The following VDAC2 variants were observed in gnomAD, a reference collection of about 807,000 sequenced individuals.
VDAC2 encodes the protein voltage dependent anion channel 2.
VDAC2 carries 6 observed loss-of-function variants against 36.6 expected under a neutral mutation model. That is an observed-to-expected ratio of 0.16 (90% CI 0.09 to 0.32). The LOEUF (loss-of-function observed/expected upper bound fraction) is 0.32. VDAC2 is among the 10% of genes least tolerant of loss of function. The probability of loss-of-function intolerance (pLI) is 1.00; values close to 1 mark genes in which losing one functional copy is unlikely to be tolerated. For synonymous variants in VDAC2, 109 were observed against 123.8 expected, an observed-to-expected ratio of 0.88 and a Z score of 0.79; for missense variants, 247 against 346.0, an observed-to-expected ratio of 0.71 and a Z score of 2.27.
At position 75,214,031 on chromosome 10, in the gene VDAC2, G is replaced by T; in HGVS notation, c.111G>T (p.Leu37Phe). The change falls in exon 4 of 10, where the codon TTG (leucine) becomes TTT (phenylalanine). Residue 37 changes from leucine to phenylalanine, a missense_variant. By Grantham distance (22) the Leu-to-Phe change is conservative. Around this residue, in one of 3 missense-constraint regions of VDAC2, gnomAD observed 76 missense variants for 76.9 expected, o/e 0.99. Coordinates refer to ENST00000332211, the MANE Select transcript of VDAC2 (RefSeq NM_001391963.1). Reference protein sequence around the residue: ...DIFNKGFGFGLVKLDVKTKSC... With the variant: ...DIFNKGFGFGFVKLDVKTKSC... ...GTCTATTTGTTGAAGGTTTTGGGTTGGTGAAACTGGATGTGAAAACAAAGT... is the reference window on the plus strand; with the variant it reads ...GTCTATTTGTTGAAGGTTTTGGGTTTGTGAAACTGGATGTGAAAACAAAGT... The T allele has an allele frequency of 6.2e-7, 1 of 1,613,348 alleles. No homozygotes were observed. The highest frequency in any genetic ancestry group is 1.1e-5 in the South Asian group (1 of 91,036).
chr10:75,220,725 A>T lies in VDAC2; in HGVS notation c.357-18A>T, dbSNP rs1449265591. 6.3e-7 allele frequency: 1 copy of T among 1,599,256 alleles called. No individual in the cohort carries two copies. Among genetic ancestry groups the T allele is most frequent in the South Asian group, 1.1e-5 (1 of 89,444 alleles). On this transcript the variant is annotated intron_variant, in intron 6 of 9. Transcript: ENST00000332211. ...TGTGTAAATTTTTCCCAATGACATC[A>T]GTTTGTTCTTTTTCCAGAAAGAAAA...
intron 4 of VDAC2, 137 bp downstream of exon 4, chr10:75,214,207 G>A: frequency 2.3e-6 from 2 of 853,880 alleles, no homozygotes; most frequent in Non-Finnish European, 3.6e-6. Context: ...AGATTTGCGT[G>A]TAACCTGATT....
chr10:75,230,564 T>G (rs545883265), intron 9 of VDAC2, among the ~76,000 whole-genome samples: 1 of 152,342 alleles, frequency 6.6e-6, no homozygotes, highest in African/African-American at 2.4e-5. Context: ...GTGTCTTTAT[T>G]GTAGGTTTTC....
At chr10:75,213,122 A>G (rs971200083) in intron 3 of VDAC2, among the ~76,000 whole-genome samples, 1 of 152,112 alleles carries the variant, frequency 6.6e-6, no homozygotes, top group African/African-American at 2.4e-5. Flanking sequence ...TCTGTTGCCC[A>G]GGCTGGAGTA....
chr10:75,218,026 T>G, intron 4 of VDAC2: 1 of 953,264 alleles, frequency 1.0e-6, no homozygotes, highest in Non-Finnish European at 1.5e-6. Flanking sequence ...AGGTTGAGGC[T>G]GCAGTCAGCT....
intron 2 of VDAC2, 163 bp downstream of exon 2, chr10:75,211,352 G>C: frequency 7.2e-7 from 1 of 1,387,510 alleles, no homozygotes. Context: ...GGAGGGGCTG[G>C]GCTGCTGGAT....
intron 3 of VDAC2, among the ~76,000 whole-genome samples, chr10:75,213,773 T>A (rs1841508129): frequency 6.6e-6 from 1 of 152,090 alleles, no homozygotes; most frequent in South Asian, 2.1e-4. Context: ...ATAAATAATT[T>A]GAAAGCATTC....
upstream of VDAC2, chr10:75,210,611 G>A (rs1841372724): frequency 6.6e-6 from 1 of 152,452 alleles, no homozygotes; most frequent in Non-Finnish European, 1.5e-5. Context: ...ATAGCTGCCT[G>A]ATCCAAGGCC....
chr10:75,230,960 G>A lies in VDAC2; in HGVS notation c.856G>A (p.Val286Ile), dbSNP rs771372399. 6.2e-7 allele frequency: 1 copy of A among 1,612,942 alleles called. No homozygotes were observed. Among genetic ancestry groups the A allele is most frequent in the Admixed American group, 1.7e-5 (1 of 59,984 alleles). ...GKSINAGGHK[V>I]GLALELEA ...GAGCATTAATGCTGGAGGCCACAAG[G>A]TTGGGCTCGCCCTGGAGTTGGAGGC... The change falls in exon 10 of 10, where the codon GTT (valine) becomes ATT (isoleucine). Residue 286 changes from valine to isoleucine, a missense_variant. By Grantham distance (29) the Val-to-Ile change is conservative. Transcript: ENST00000332211.
intron 6 of VDAC2, among the ~76,000 whole-genome samples, 163 bp downstream of exon 6, chr10:75,219,519 T>C (rs533367335): frequency 6.6e-6 from 1 of 152,358 alleles, no homozygotes; most frequent in Non-Finnish European, 1.5e-5. Flanking sequence ...GTCTTTGCTG[T>C]GTCACCCAGG....
In VDAC2 at chr10:75,214,075, G is replaced by A; in HGVS notation, c.150+5G>A. On this transcript the variant is annotated splice_donor_5th_base_variant and intron_variant, in intron 4 of 9. Transcript: ENST00000332211. ...ACAAAGTCTTGCAGTGGCGTGGTGA[G>A]TGTTACTGTTGAATAAGTTCTATTG... 6.2e-7 allele frequency: 1 copy of A among 1,612,668 alleles called. No individual in the cohort carries two copies. The highest frequency in any genetic ancestry group is 8.5e-7 in the Non-Finnish European group (1 of 1,179,156).
chr10:75,220,848 C>T lies in VDAC2; in HGVS notation c.462C>T (p.Val154=). The T allele has an allele frequency of 6.2e-7, 1 of 1,613,678 alleles. No homozygotes were observed. The change falls in exon 7 of 10, where the codon GTC becomes GTT. Residue 154 remains valine (V), a synonymous_variant. Transcript: ENST00000332211. ...FAGPAIHGSA[V]FGYEGWLAGY... ...GACCTGCAATCCATGGTTCAGCTGT[C>T]TTTGGTTATGAGGGCTGGCTTGCTG...
intron 8 of VDAC2, among the ~76,000 whole-genome samples, chr10:75,225,044 T>C (rs1841916526): frequency 6.6e-6 from 1 of 152,214 alleles, no homozygotes; most frequent in Non-Finnish European, 1.5e-5. Flanking sequence ...TGTTGGCAGA[T>C]TAAACTCCCT....
At chr10:75,224,200 T>G (rs1447688483) in intron 8 of VDAC2, among the ~76,000 whole-genome samples, 1 of 152,190 alleles carries the variant, frequency 6.6e-6, no homozygotes, top group African/African-American at 2.4e-5. Flanking sequence ...CTGTGGCATC[T>G]GATGTCTCCA....
intron 8 of VDAC2, among the ~76,000 whole-genome samples, chr10:75,227,812 C>T (rs1305880129): frequency 6.6e-6 from 1 of 151,472 alleles, no homozygotes; most frequent in Non-Finnish European, 1.5e-5. Flanking sequence ...GTCTTGAACT[C>T]CTGACCTTGT....
rs375791176 is a variant in VDAC2, at chr10:75,227,732, G to A, written c.736-1912G>A. ...ACCCCGAGTAGCTGGGATTACAGGC[G>A]CCTGCCACCGTGCCTGGCTAATTTT... On this transcript the variant is annotated intron_variant, in intron 8 of 9. Coordinates refer to ENST00000332211, the MANE Select transcript of VDAC2 (RefSeq NM_001391963.1). Among the ~76,000 whole-genome samples, 88 of 151,460 alleles carry A rather than the reference G, an allele frequency of 5.8e-4. No individual in the cohort carries two copies. In the South Asian group the frequency reaches 0.018, roughly 31 times the overall value.
intron 7 of VDAC2, among the ~76,000 whole-genome samples, 176 bp from the exon 8 acceptor site, chr10:75,222,076 C>T (rs1440200302): frequency 6.6e-6 from 1 of 152,162 alleles, no homozygotes; most frequent in African/African-American, 2.4e-5. Flanking sequence ...TTACCAATCC[C>T]TGTATGGGTA....
chr10:75,225,825 C>A (rs1039753723), intron 8 of VDAC2, among the ~76,000 whole-genome samples: 1 of 150,938 alleles, frequency 6.6e-6, no homozygotes, highest in East Asian at 1.9e-4. Flanking sequence ...TGTTTTGAGA[C>A]GGAGTCATCC....
rs751033037 is a variant in VDAC2, at chr10:75,229,697, G to A, written c.789G>A (p.Arg263=). The change falls in exon 9 of 10, where the codon AGG becomes AGA. Residue 263 remains arginine (R), a synonymous_variant. Coordinates refer to ENST00000332211, the MANE Select transcript of VDAC2 (RefSeq NM_001391963.1). ...LIGVGYTQTL[R]PGVKLTLSAL... ...GAGTAGGCTATACTCAGACTCTGAGGCCTGGTAAGTATTCTTGATAAAGTA... is the reference window on the plus strand; with the variant it reads ...GAGTAGGCTATACTCAGACTCTGAGACCTGGTAAGTATTCTTGATAAAGTA... The A allele has an allele frequency of 5.6e-6, 9 of 1,600,560 alleles. No homozygotes were observed. The highest frequency in any genetic ancestry group is 7.7e-6 in the Non-Finnish European group (9 of 1,175,928).
Sources: allele counts gnomAD v4.1 joint callset (sites outside exome capture counted in the v4.1 genomes callset), GRCh38; gene constraint gnomAD v4.1.1; regional missense constraint gnomAD v4.1.1; transcripts MANE v1.5; gene names NCBI Gene and HGNC (gene_info 2026-07-23, HGNC 2026-07-21).